Variants in UBAP1L observed in about 807,000 individuals in gnomAD.
The protein encoded by UBAP1L is ubiquitin associated protein 1 like.
In UBAP1L, 32 loss-of-function variants were observed where a neutral mutation model predicts 32.1. That is an observed-to-expected ratio of 1.00 (90% CI 0.75 to 1.34). UBAP1L has a LOEUF of 1.34. Among genes scored for constraint, UBAP1L ranks in the 40% most tolerant of loss-of-function variants. The pLI is 0.00. For missense variants in UBAP1L, 516 were observed against 540.5 expected, an observed-to-expected ratio of 0.95 and a Z score of 0.45; for synonymous variants, 243 against 250.2, an observed-to-expected ratio of 0.97 and a Z score of 0.27.
chr15:65,095,707 C>T (rs1308517138), intron 4 of UBAP1L: 7 of 152,198 alleles, frequency 4.6e-5, no homozygotes, highest in African/African-American at 1.4e-4. Context: ...GTGGGGTTTC[C>T]GTAGACCTTC....
At chr15:65,108,462 G>A (rs933975826) in intron 1 of UBAP1L, among the ~76,000 whole-genome samples, 1 of 152,080 alleles carries the variant, frequency 6.6e-6, no homozygotes, top group Non-Finnish European at 1.5e-5. Flanking sequence ...AAGGGCTAAC[G>A]GGCCAGGCAC....
chr15:65,093,771 C>T (rs1447145385), intron 5 of UBAP1L, among the ~76,000 whole-genome samples: 8 of 152,198 alleles, frequency 5.3e-5, no homozygotes, highest in South Asian at 2.1e-4. Flanking sequence ...GGGCCGGGTG[C>T]GGTGGCTCAC....
Position 65,094,997 on chromosome 15 carries a change from C to T in UBAP1L, c.910-421G>A, listed in dbSNP as rs1252876898. 1.4e-5 allele frequency: 3 copies of T among 214,102 alleles called. No homozygotes were observed. Among genetic ancestry groups the T allele is most frequent in the Non-Finnish European group, 1.9e-5 (2 of 104,748 alleles). The allele number at this position is 214,102 out of a possible 1,614,324, so 13.3% of individuals were successfully genotyped here. ...GCCTCCTCATCCGTCCACACCTGTG[C>T]ACCCCTACTGTGCCCCCAGATGCAT... On this transcript the variant is annotated intron_variant, in intron 4 of 5. Transcript: ENST00000559089. This position sits in a 1 kb window ranked among gnomAD's most constrained non-coding sequence, Gnocchi z 4.2.
At chr15:65,093,741 G>A (rs1352184217) in intron 5 of UBAP1L, among the ~76,000 whole-genome samples, 1 of 152,198 alleles carries the variant, frequency 6.6e-6, no homozygotes, top group Non-Finnish European at 1.5e-5. Context: ...CTGCCATGGG[G>A]CACTTAGAAG....
chr15:65,105,718 G>A (rs1363552113), intron 2 of UBAP1L: 4 of 696,462 alleles, frequency 5.7e-6, no homozygotes, highest in South Asian at 2.7e-5. Flanking sequence ...CCATTCTGAC[G>A]TTACAATGGT....
At chr15:65,100,825 C>A (rs578154408) in intron 3 of UBAP1L, 6 of 152,266 alleles carry the variant, frequency 3.9e-5, no homozygotes, top group Non-Finnish European at 8.8e-5. Flanking sequence ...AGTTTAGGAG[C>A]TGAGTCTACT....
intron 3 of UBAP1L, chr15:65,100,609 C>G (rs1340877291): frequency 6.6e-6 from 1 of 152,218 alleles, no homozygotes; most frequent in African/African-American, 2.4e-5. Context: ...GAACCTTCTC[C>G]CATGAGGAAG....
rs562335459 is a variant in UBAP1L at position 65,104,934 on chromosome 15, G to A, written c.120+1162C>T. On this transcript the variant is annotated intron_variant, in intron 2 of 5. Coordinates refer to ENST00000559089, the MANE Select transcript of UBAP1L (RefSeq NM_001163692.2). ...TGGCACGAGAATCACTTGAACCGAG[G>A]AGTCGGAGGTTGCAGTGAGCCGAGA... 56 of 410,300 alleles carry A rather than the reference G, an allele frequency of 1.4e-4. 1 individual carries two copies. The highest frequency in any genetic ancestry group is 2.3e-4 in the Non-Finnish European group (47 of 205,256). 25.4% of individuals were successfully genotyped at this position (410,300 alleles called of 1,614,324 possible). A position where few individuals can be genotyped will look rare whatever the true frequency, so the allele number is the denominator to read the frequency against.
At chr15:65,108,728 G>T (rs2087343988) in intron 1 of UBAP1L, among the ~76,000 whole-genome samples, 1 of 149,708 alleles carries the variant, frequency 6.7e-6, no homozygotes, top group Non-Finnish European at 1.5e-5. Context: ...ACTCCAGCCT[G>T]GGCAACAAAA....
At chr15:65,110,641 C>T (rs1236464232) in intron 1 of UBAP1L, among the ~76,000 whole-genome samples, 3 of 146,130 alleles carry the variant, frequency 2.1e-5, no homozygotes. Context: ...GCCGAGATGG[C>T]ACCACTGCAC....
chr15:65,094,375 C>T lies in UBAP1L; in HGVS notation c.1011+100G>A. ...CCGACAGACCCACAGGCTGGACCCA[C>T]AGACTGGCTCTGAGGACTGGTGTGG... On this transcript the variant is annotated intron_variant, in intron 5 of 5. Coordinates refer to ENST00000559089, the MANE Select transcript of UBAP1L (RefSeq NM_001163692.2). The surrounding 1 kb of genome is among the most constrained non-coding windows in gnomAD (Gnocchi z 4.2). 1.3e-6 allele frequency: 1 copy of T among 798,292 alleles called. No individual in the cohort carries two copies. The highest frequency in any genetic ancestry group is 2.0e-6 in the Non-Finnish European group (1 of 509,778). The allele number at this position is 798,292 out of a possible 1,614,324, so 49.5% of individuals were successfully genotyped here.
intron 1 of UBAP1L, among the ~76,000 whole-genome samples, chr15:65,107,438 G>T (rs982061729): frequency 8.6e-5 from 13 of 151,828 alleles, no homozygotes; most frequent in Non-Finnish European, 1.6e-4. Context: ...TATTAGAAAT[G>T]GAACATTTTA....
At chr15:65,106,031 A>G in intron 2 of UBAP1L, 65 bp downstream of exon 2, 1 of 1,535,600 alleles carries the variant, frequency 6.5e-7, no homozygotes, top group Non-Finnish European at 8.8e-7. Flanking sequence ...TTCAAGGAAC[A>G]AGGCCCCATG....
At chr15:65,098,908 C>T (rs905463336) in intron 4 of UBAP1L, 1 of 152,208 alleles carries the variant, frequency 6.6e-6, no homozygotes, top group Non-Finnish European at 1.5e-5. Flanking sequence ...ACACTCATAC[C>T]ACTTCTTCTC....
Position 65,102,771 on chromosome 15 carries a change from G to C in UBAP1L, c.121-87C>G. ...CCCCTGGCCTGGGGGACCCTGTTCA[G>C]CCAGAGACTCTCTAAGCCTGGACAG... On this transcript the variant is annotated intron_variant, in intron 2 of 5. Transcript: ENST00000559089. This position sits in a 1 kb window ranked among gnomAD's most constrained non-coding sequence, Gnocchi z 5.0. The C allele has an allele frequency of 1.6e-6, 2 of 1,239,496 alleles. No homozygotes were observed. The highest frequency in any genetic ancestry group is 2.8e-5 in the South Asian group (2 of 70,300). 76.8% of individuals were successfully genotyped at this position (1,239,496 alleles called of 1,614,324 possible).
chr15:65,102,651 A>G lies in UBAP1L; in HGVS notation c.154T>C (p.Trp52Arg), dbSNP rs894674097. The G allele has an allele frequency of 5.2e-6, 8 of 1,548,760 alleles. No individual in the cohort carries two copies. Among genetic ancestry groups the G allele is most frequent in the Non-Finnish European group, 7.0e-6 (8 of 1,146,844 alleles). The change falls in exon 3 of 6, where the codon TGG (tryptophan) becomes CGG (arginine). Residue 52 changes from tryptophan to arginine, a missense_variant. By Grantham distance (101) the Trp-to-Arg change is moderately radical. Transcript: ENST00000559089. The surrounding 1 kb of genome is among the most constrained non-coding windows in gnomAD (Gnocchi z 5.0). ...GGTCCCTGGCCGGCGGCCTCCACCC[A>G]GAAGAGTGCCGTCCTCTCCAGGCTG... ...DFSLERTALF[W>R]VEAAGQGPSP...
At chr15:65,110,021 G>A (rs1262117387) in intron 1 of UBAP1L, among the ~76,000 whole-genome samples, 1 of 152,040 alleles carries the variant, frequency 6.6e-6, no homozygotes, top group Non-Finnish European at 1.5e-5. Flanking sequence ...TTTAATTTTT[G>A]ATATATTTTA....
intron 5 of UBAP1L, among the ~76,000 whole-genome samples, chr15:65,093,956 A>T (rs1291227846): frequency 6.6e-6 from 1 of 152,116 alleles, no homozygotes; most frequent in Non-Finnish European, 1.5e-5. Context: ...CCGAGGCGGG[A>T]GAATTGCTTG....
chr15:65,100,145 G>A (rs1164668865), intron 3 of UBAP1L: 1 of 153,924 alleles, frequency 6.5e-6, no homozygotes, highest in African/African-American at 2.4e-5. Flanking sequence ...TTGGGAGGCT[G>A]AGGCAGGAGA....
Sources: allele counts gnomAD v4.1 joint callset (sites outside exome capture counted in the v4.1 genomes callset), GRCh38; gene constraint gnomAD v4.1.1; non-coding constraint Gnocchi (gnomAD v3.1); transcripts MANE v1.5; gene names NCBI Gene and HGNC (gene_info 2026-07-23, HGNC 2026-07-21).